KCNIP4: variants seen among roughly 807,000 people sequenced by gnomAD.
KCNIP4 encodes Kv channel-interacting protein 4.
Under a neutral mutation model 34.0 loss-of-function variants are expected in KCNIP4, and 12 were observed. The observed-to-expected ratio is 0.35, with a 90% CI of 0.23 to 0.57. The LOEUF is 0.57. Ranked by LOEUF, KCNIP4 falls within the 20% of genes least tolerant of loss-of-function variation. The pLI is 0.83. For synonymous variants in KCNIP4, 124 were observed against 102.2 expected (o/e 1.21, Z -1.29); for missense variants, 238 against 311.7 (o/e 0.76, Z 1.78).
At chr4:21,405,892 A>G (rs1375080393) in intron 1 of KCNIP4, among the ~76,000 whole-genome samples, 1 of 152,208 alleles carries the variant, frequency 6.6e-6, no homozygotes, top group African/African-American at 2.4e-5. Context: ...CTAGAGCGCA[A>G]TGGCGCGATC....
At chr4:21,217,429 T>C (rs1329842760) in intron 1 of KCNIP4, among the ~76,000 whole-genome samples, 1 of 152,166 alleles carries the variant, frequency 6.6e-6, no homozygotes, top group Non-Finnish European at 1.5e-5. Context: ...AAGAAGAATT[T>C]TCAAGGTCAG....
In KCNIP4 at chr4:21,788,481, C is replaced by A. The variant is rs150236042; in HGVS notation, c.61+160090G>T. On this transcript the variant is annotated intron_variant, in intron 1 of 8. Coordinates refer to ENST00000382152, the MANE Select transcript of KCNIP4 (RefSeq NM_025221.6). ...AGAAATCTCACCCCCAGCCTCTAAC[C>A]TCATCTACAGCCTGGCTTGCAAGAT... 2.5e-3 allele frequency among the ~76,000 whole-genome samples: 383 copies of A among 152,230 alleles called. 1 individual carries two copies. The highest frequency in any genetic ancestry group is 8.0e-3 in the African/African-American group (332 of 41,534).
At chr4:20,998,772 A>G (rs1016414449) in intron 1 of KCNIP4, among the ~76,000 whole-genome samples, 2 of 152,260 alleles carry the variant, frequency 1.3e-5, no homozygotes, top group African/African-American at 4.8e-5. Context: ...GAAGTACTCC[A>G]AATGGAGGAT....
intron 1 of KCNIP4, among the ~76,000 whole-genome samples, chr4:21,179,124 A>G (rs1320630216): frequency 6.6e-6 from 1 of 152,144 alleles, no homozygotes; most frequent in Non-Finnish European, 1.5e-5. Flanking sequence ...GCAAACATCT[A>G]TATTTTCTAT....
At position 21,012,402 on chromosome 4, in the gene KCNIP4, G is replaced by A. The variant is rs567783810; in HGVS notation, c.62-129693C>T. ...AAGACCAGCCTGGGCAGCATAATGA[G>A]TCCACATCTTCACAAAAATAAAAAT... is the stretch of plus-strand genomic sequence containing the variant. On this transcript the variant is annotated intron_variant, in intron 1 of 8. Transcript: ENST00000382152. Among the ~76,000 whole-genome samples, 48 of 152,120 alleles carry A rather than the reference G, an allele frequency of 3.2e-4. No individual in the cohort carries two copies. In the South Asian group the frequency reaches 5.0e-3, roughly 16 times the overall value.
rs367962425 is a variant in KCNIP4, at chr4:21,590,487, T to A, written c.61+358084A>T. 7.9e-5 allele frequency among the ~76,000 whole-genome samples: 12 copies of A among 151,956 alleles called. No homozygotes were observed. In the East Asian group the frequency reaches 2.3e-3, roughly 30 times the overall value. On this transcript the variant is annotated intron_variant, in intron 1 of 8. Coordinates refer to ENST00000382152, the MANE Select transcript of KCNIP4 (RefSeq NM_025221.6). Reference sequence around the variant, plus strand: ...TGTGGCCCTTTGCAACCAGACAGGTTGTATATCCATGAAGCTGGCCGGTTG... The same window carrying A: ...TGTGGCCCTTTGCAACCAGACAGGTAGTATATCCATGAAGCTGGCCGGTTG...
chr4:21,346,962 T>A (rs946470992), intron 1 of KCNIP4, among the ~76,000 whole-genome samples: 1 of 152,192 alleles, frequency 6.6e-6, no homozygotes, highest in Non-Finnish European at 1.5e-5. Context: ...AAACCTAACA[T>A]CATTTTAATT....
intron 1 of KCNIP4, among the ~76,000 whole-genome samples, chr4:21,705,992 T>G (rs933310628): frequency 6.6e-6 from 1 of 152,138 alleles, no homozygotes; most frequent in Admixed American, 6.6e-5. Flanking sequence ...TGTGTATTGT[T>G]GGGGAGTATG....
chr4:20,967,476 A>C (rs1483391089), intron 1 of KCNIP4, among the ~76,000 whole-genome samples: 1 of 152,206 alleles, frequency 6.6e-6, no homozygotes, highest in Non-Finnish European at 1.5e-5. Flanking sequence ...AGCCAAGACG[A>C]TCCTAAGCAA....
intron 1 of KCNIP4, among the ~76,000 whole-genome samples, chr4:21,009,425 T>C (rs951713590): frequency 1.3e-5 from 2 of 152,232 alleles, no homozygotes; most frequent in African/African-American, 4.8e-5. Context: ...TTAAAGACTT[T>C]CTTTCCTTTA....
In KCNIP4 at chr4:21,182,463, T is replaced by C. The variant is rs377582352; in HGVS notation, c.62-299754A>G. Among the ~76,000 whole-genome samples, 400 of 151,646 alleles carry C rather than the reference T, an allele frequency of 2.6e-3. 1 individual carries two copies. The highest frequency in any genetic ancestry group is 9.3e-3 in the African/African-American group (383 of 41,328). ...TTCCTTTCCTGTCTTTCTTTTCCTTTCCTTTCCTTCTAATAATACATTTAA... is the reference window on the plus strand; with the variant it reads ...TTCCTTTCCTGTCTTTCTTTTCCTTCCCTTTCCTTCTAATAATACATTTAA... On this transcript the variant is annotated intron_variant, in intron 1 of 8. Transcript: ENST00000382152.
chr4:21,660,749 T>G (rs887644940), intron 1 of KCNIP4, among the ~76,000 whole-genome samples: 2 of 152,188 alleles, frequency 1.3e-5, no homozygotes, highest in Admixed American at 1.3e-4. Context: ...AATCTATGCT[T>G]GAAAATTAGT....
chr4:21,790,461 T>C (rs1465631381), intron 1 of KCNIP4, among the ~76,000 whole-genome samples: 1 of 152,170 alleles, frequency 6.6e-6, no homozygotes, highest in African/African-American at 2.4e-5. Flanking sequence ...TCGGAGGCTT[T>C]AGAGGTGGGA....
At chr4:21,605,254 T>G (rs1743548838) in intron 1 of KCNIP4, among the ~76,000 whole-genome samples, 1 of 152,198 alleles carries the variant, frequency 6.6e-6, no homozygotes, top group Non-Finnish European at 1.5e-5. Flanking sequence ...ATTTTCACTC[T>G]TGGCAGATTG....
intron 3 of KCNIP4, among the ~76,000 whole-genome samples, chr4:20,824,452 C>T (rs1441177825): frequency 1.3e-5 from 2 of 152,042 alleles, no homozygotes; most frequent in Non-Finnish European, 1.5e-5. Flanking sequence ...GAGGCTGAGG[C>T]GGGCAGATTA....
chr4:20,793,877 C>T (rs773820113), intron 3 of KCNIP4, among the ~76,000 whole-genome samples: 2 of 151,958 alleles, frequency 1.3e-5, no homozygotes, highest in Non-Finnish European at 2.9e-5. Context: ...GCTGTGTCCC[C>T]ACCCAAATCT....
At position 21,146,405 on chromosome 4, in the gene KCNIP4, G is replaced by GA. The variant is rs5856606; in HGVS notation, c.62-263697dup. ...AGAGCGAGACTCGTCTCAAAAAAAAGAAAAAAAAAAGTGGAAGACCAATAA... is the reference window on the plus strand; with the variant it reads ...AGAGCGAGACTCGTCTCAAAAAAAAGAAAAAAAAAAAGTGGAAGACCAATAA... On this transcript the variant is annotated intron_variant, in intron 1 of 8. Coordinates refer to ENST00000382152, the MANE Select transcript of KCNIP4 (RefSeq NM_025221.6). 7.7e-3 allele frequency among the ~76,000 whole-genome samples: 1,159 copies of GA among 149,642 alleles called. 21 individuals carry two copies. Among genetic ancestry groups the GA allele is most frequent in the African/African-American group, 0.025 (1,043 of 40,906 alleles).
At chr4:21,712,050 G>T (rs1262885998) in intron 1 of KCNIP4, among the ~76,000 whole-genome samples, 3 of 151,994 alleles carry the variant, frequency 2.0e-5, no homozygotes, top group African/African-American at 7.3e-5. Context: ...AAGCCTCTCT[G>T]CCTTCCCTAC....
At chr4:20,823,972 G>T (rs1368771599) in intron 3 of KCNIP4, among the ~76,000 whole-genome samples, 1 of 152,156 alleles carries the variant, frequency 6.6e-6, no homozygotes, top group Non-Finnish European at 1.5e-5. Context: ...ACTTAAGCTT[G>T]AACCCCAGCA....
Sources: allele counts gnomAD v4.1 joint callset (sites outside exome capture counted in the v4.1 genomes callset), GRCh38; gene constraint gnomAD v4.1.1; transcripts MANE v1.5; gene names NCBI Gene and HGNC (gene_info 2026-07-23, HGNC 2026-07-21).